The following SLC35F1 variants were observed in gnomAD, a reference collection of about 807,000 sequenced individuals.
SLC35F1 encodes the protein solute carrier family 35 member F1.
SLC35F1 carries 14 observed loss-of-function variants against 48.7 expected under a neutral mutation model. The observed-to-expected ratio is 0.29, with a 90% confidence interval of 0.19 to 0.45. SLC35F1 has a LOEUF of 0.45. SLC35F1 is among the 20% of genes least tolerant of loss of function. The pLI is 1.00. For synonymous variants in SLC35F1, 190 were observed against 202.2 expected (o/e 0.94, Z 0.51); for missense variants, 404 against 500.0 (o/e 0.81, Z 1.83).
At position 118,166,751 on chromosome 6, in the gene SLC35F1, G is replaced by C. The variant is rs546572347; in HGVS notation, c.349+12131G>C. Among the ~76,000 whole-genome samples, 3 of 152,238 alleles carry C rather than the reference G, an allele frequency of 2.0e-5. No individual in the cohort carries two copies. In the South Asian group the frequency reaches 6.2e-4, roughly 32 times the overall value. ...TCTCTACCCCTGTTTTCTATTATTT[G>C]GACCTCAGATGTGTTGAGTAATCTA... On this transcript the variant is annotated intron_variant, in intron 2 of 7. Coordinates refer to ENST00000360388, the MANE Select transcript of SLC35F1 (RefSeq NM_001029858.4).
At chr6:117,933,588 A>G (rs1357113610) in intron 1 of SLC35F1, among the ~76,000 whole-genome samples, 7 of 152,122 alleles carry the variant, frequency 4.6e-5, no homozygotes, top group African/African-American at 1.2e-4. Flanking sequence ...GAGAAATTTT[A>G]GAAAAAAAAA....
chr6:118,160,336 A>G (rs987591531), intron 2 of SLC35F1, among the ~76,000 whole-genome samples: 2 of 152,248 alleles, frequency 1.3e-5, no homozygotes, highest in Non-Finnish European at 2.9e-5. Flanking sequence ...ACAAGCTTCC[A>G]GCTAAAAGCA....
At chr6:118,208,255 G>A (rs1025563521) in intron 2 of SLC35F1, among the ~76,000 whole-genome samples, 3 of 152,166 alleles carry the variant, frequency 2.0e-5, no homozygotes, top group African/African-American at 7.2e-5. Context: ...TGACCAGTGG[G>A]TACCCTCCAC....
chr6:118,254,272 C>T (rs951389939), intron 3 of SLC35F1, among the ~76,000 whole-genome samples: 4 of 152,100 alleles, frequency 2.6e-5, no homozygotes, highest in African/African-American at 4.8e-5. Context: ...AAATAAGTGA[C>T]TAGTATAAGG....
intron 6 of SLC35F1, among the ~76,000 whole-genome samples, chr6:118,284,361 AC>A (rs1324707516): frequency 2.8e-5 from 4 of 143,014 alleles, no homozygotes; most frequent in African/African-American, 1.0e-4. Context: ...TTTTTTTTTT[AC>A]ATTTGCATTG....
intron 1 of SLC35F1, among the ~76,000 whole-genome samples, chr6:117,968,387 G>A (rs1776597862): frequency 1.3e-5 from 2 of 152,128 alleles, no homozygotes; most frequent in South Asian, 2.1e-4. Context: ...CCATTTCAGG[G>A]AAGTTCAAGT....
At chr6:118,225,575 C>A (rs947824738) in intron 2 of SLC35F1, among the ~76,000 whole-genome samples, 1 of 152,146 alleles carries the variant, frequency 6.6e-6, no homozygotes, top group Non-Finnish European at 1.5e-5. Context: ...CAGGACGTTG[C>A]TCTAGGCAAA....
chr6:118,024,787 A>C (rs1297123431), intron 1 of SLC35F1, among the ~76,000 whole-genome samples: 1 of 152,182 alleles, frequency 6.6e-6, no homozygotes, highest in African/African-American at 2.4e-5. Flanking sequence ...TTGTATTAGA[A>C]ACTTCATCTG....
chr6:117,974,599 G>T (rs1440592514), intron 1 of SLC35F1, among the ~76,000 whole-genome samples: 4 of 152,190 alleles, frequency 2.6e-5, no homozygotes, highest in African/African-American at 7.2e-5. Context: ...CTATTCTTAA[G>T]AATTTTGGTC....
intron 2 of SLC35F1, among the ~76,000 whole-genome samples, chr6:118,173,398 A>C (rs895629496): frequency 2.9e-5 from 4 of 135,870 alleles, no homozygotes; most frequent in African/African-American, 1.3e-4. Context: ...AAAAAAAACA[A>C]AAAACAAAAA....
chr6:118,209,690 C>A (rs1481722880), intron 2 of SLC35F1, among the ~76,000 whole-genome samples: 2 of 151,766 alleles, frequency 1.3e-5, no homozygotes, highest in Non-Finnish European at 2.9e-5. Context: ...TTTTTGGTAG[C>A]CATGACATTT....
intron 1 of SLC35F1, among the ~76,000 whole-genome samples, chr6:117,991,570 A>G (rs1776919796): frequency 6.6e-6 from 1 of 152,204 alleles, no homozygotes; most frequent in South Asian, 2.1e-4. Context: ...AACCATGGTT[A>G]TAGTTAACCA....
At chr6:117,971,820 A>G (rs1776643915) in intron 1 of SLC35F1, among the ~76,000 whole-genome samples, 1 of 152,214 alleles carries the variant, frequency 6.6e-6, no homozygotes, top group South Asian at 2.1e-4. Context: ...CATAGAGGAC[A>G]GGGGCCCTGG....
intron 1 of SLC35F1, among the ~76,000 whole-genome samples, chr6:118,090,909 G>T (rs191998484): frequency 6.6e-6 from 1 of 152,182 alleles, no homozygotes; most frequent in Non-Finnish European, 1.5e-5. Context: ...AAGATGGTGG[G>T]CTTGGACCAG....
chr6:118,113,056 T>C (rs1335442955), intron 1 of SLC35F1, among the ~76,000 whole-genome samples: 1 of 152,106 alleles, frequency 6.6e-6, no homozygotes, highest in Non-Finnish European at 1.5e-5. Flanking sequence ...ATGTAAAATA[T>C]GGACTTTGGA....
chr6:118,177,481 A>G (rs779134390), intron 2 of SLC35F1, among the ~76,000 whole-genome samples: 1 of 152,096 alleles, frequency 6.6e-6, no homozygotes, highest in African/African-American at 2.4e-5. Context: ...GAATAGTTGT[A>G]TGCTTCATTA....
At chr6:118,003,939 G>A (rs1777140628) in intron 1 of SLC35F1, among the ~76,000 whole-genome samples, 1 of 152,206 alleles carries the variant, frequency 6.6e-6, no homozygotes, top group African/African-American at 2.4e-5. Context: ...TATTCATGAA[G>A]TAGGGATAGT....
intron 7 of SLC35F1, among the ~76,000 whole-genome samples, chr6:118,307,689 T>G (rs1435908235): frequency 6.6e-6 from 1 of 152,206 alleles, no homozygotes; most frequent in Admixed American, 6.5e-5. Flanking sequence ...AGGCATCAAC[T>G]TGTTTGTGTT....
At chr6:118,017,040 G>T (rs1355782839) in intron 1 of SLC35F1, among the ~76,000 whole-genome samples, 2 of 152,196 alleles carry the variant, frequency 1.3e-5, no homozygotes, top group Non-Finnish European at 2.9e-5. Context: ...GGAATCTCCT[G>T]TCTTTCCATC....
Sources: gnomAD v4.1 joint callset for allele counts (sites outside exome capture counted in the v4.1 genomes callset) on GRCh38, gnomAD v4.1.1 for gene constraint, MANE v1.5 for transcripts, NCBI Gene and HGNC (gene_info 2026-07-23, HGNC 2026-07-21) for gene names.